SUFU: variants seen among roughly 807,000 people sequenced by gnomAD.
SUFU encodes the protein suppressor of fused homolog.
In SUFU, 7 loss-of-function variants were observed where a neutral mutation model predicts 58.9. That is an observed-to-expected ratio of 0.12 (90% CI 0.07 to 0.22). SUFU has a LOEUF of 0.22. Among genes scored for constraint, SUFU ranks in the 10% least tolerant of loss-of-function variants. The pLI, the probability that SUFU is intolerant of heterozygous loss-of-function variation, is 1.00. For missense variants in SUFU, 451 were observed against 641.3 expected (o/e 0.70, Z 3.20); for synonymous variants, 232 against 254.8 (o/e 0.91, Z 0.85).
rs183579372 is a variant in SUFU, at chr10:102,538,527, G to A, written c.318-11443G>A. The stretch of plus-strand genomic sequence containing the variant: ...CCATATGGAAACTACAATTATCTTC[G>A]TTTTTGAAAAAAGACTTTTTTAGAG... On this transcript the variant is annotated intron_variant, in intron 2 of 11. Transcript: ENST00000369902. Among the ~76,000 whole-genome samples the A allele has an allele frequency of 1.3e-3, 205 of 152,012 alleles. 2 individuals carry two copies. The highest frequency in any genetic ancestry group is 0.01 in the Admixed American group (158 of 15,262).
chr10:102,632,979 C>G lies in SUFU; in HGVS notation c.*2824C>G, dbSNP rs937066891. 3 of 233,272 alleles carry G rather than the reference C, an allele frequency of 1.3e-5. No individual in the cohort carries two copies. The highest frequency in any genetic ancestry group is 6.6e-5 in the African/African-American group (3 of 45,350). 14.5% of individuals were successfully genotyped at this position (233,272 alleles called of 1,614,324 possible). ...ATCTTTCTCTTCCAAGGGCAGTGCT[C>G]CAAGGCAGGGACTGGAGAAGCCAAG... On this transcript the variant is annotated 3_prime_UTR_variant, in exon 12 of 12. Transcript: ENST00000369902.
chr10:102,569,074 T>A (rs1357784611), intron 3 of SUFU, among the ~76,000 whole-genome samples: 1 of 150,842 alleles, frequency 6.6e-6, no homozygotes, highest in Non-Finnish European at 1.5e-5. Flanking sequence ...TTTCCAGTTT[T>A]CCCTATTTTA....
intron 8 of SUFU, among the ~76,000 whole-genome samples, chr10:102,612,096 A>G (rs2063630729): frequency 6.6e-6 from 1 of 152,080 alleles, no homozygotes. Flanking sequence ...TTAATACCTC[A>G]CCTAGCCCAC....
rs2063719790 is a variant in SUFU at position 102,619,303 on chromosome 10, C to T, written c.1296+1875C>T. On this transcript the variant is annotated intron_variant, in intron 10 of 11. Transcript: ENST00000369902. This position sits in a 1 kb window ranked among gnomAD's most constrained non-coding sequence, Gnocchi z 4.2. Reference sequence around the variant, plus strand: ...ACTCCCAGTGCCACAACCCCCTCACCTCCCTGGCAGCCCCTCAGCGAGCCT... The same window carrying T: ...ACTCCCAGTGCCACAACCCCCTCACTTCCCTGGCAGCCCCTCAGCGAGCCT... The T allele has an allele frequency of 1.4e-6, 2 of 1,441,886 alleles. No individual in the cohort carries two copies. Among genetic ancestry groups the T allele is most frequent in the East Asian group, 5.0e-5 (2 of 39,928 alleles). The allele number at this position is 1,441,886 out of a possible 1,614,324, so 89.3% of individuals were successfully genotyped here.
chr10:102,524,354 C>G (rs2062586149), intron 2 of SUFU, among the ~76,000 whole-genome samples: 1 of 125,280 alleles, frequency 8.0e-6, no homozygotes, highest in Admixed American at 9.9e-5. Flanking sequence ...GAGATGAAGT[C>G]TAGCTCTGTT....
At chr10:102,624,674 G>A (rs1425038264) in intron 10 of SUFU, among the ~76,000 whole-genome samples, 7 of 152,140 alleles carry the variant, frequency 4.6e-5, no homozygotes, top group African/African-American at 1.2e-4. Flanking sequence ...AGATGGTGCC[G>A]CGCATGGTCG....
chr10:102,577,094 T>TC lies in SUFU; in HGVS notation c.455-15488_455-15487insC. On this transcript the variant is annotated intron_variant, in intron 3 of 11. Transcript: ENST00000369902. ...CTGGATTTTTTCTTTTCTTTTTTTTTTTTTTTTGAGATGGAGTCTCACCCT... is the reference window on the plus strand; with the variant it reads ...CTGGATTTTTTCTTTTCTTTTTTTTTCTTTTTTTGAGATGGAGTCTCACCCT... 4.8e-5 allele frequency among the ~76,000 whole-genome samples: 7 copies of TC among 147,104 alleles called. 1 individual carries two copies. Among genetic ancestry groups the TC allele is most frequent in the Admixed American group, 4.7e-4 (7 of 14,800 alleles).
intron 3 of SUFU, among the ~76,000 whole-genome samples, chr10:102,587,908 A>G (rs982553760): frequency 6.6e-6 from 1 of 152,206 alleles, no homozygotes; most frequent in Non-Finnish European, 1.5e-5. Context: ...GATTTACTCC[A>G]ATGTTTGCTT....
At chr10:102,569,219 C>G (rs540566406) in intron 3 of SUFU, among the ~76,000 whole-genome samples, 41 of 152,092 alleles carry the variant, frequency 2.7e-4, no homozygotes, top group African/African-American at 9.9e-4. Context: ...ATGCCCAGCT[C>G]TCCTTTTGAA....
At chr10:102,576,998 G>A (rs535278048) in intron 3 of SUFU, among the ~76,000 whole-genome samples, 1 of 152,028 alleles carries the variant, frequency 6.6e-6, no homozygotes, top group African/African-American at 2.4e-5. Flanking sequence ...ACTGTACCCA[G>A]TCTAAATGGG....
intron 3 of SUFU, among the ~76,000 whole-genome samples, chr10:102,566,444 A>G (rs928592423): frequency 5.9e-5 from 9 of 152,012 alleles, no homozygotes; most frequent in African/African-American, 2.2e-4. Context: ...AGCGGGGCCA[A>G]CATGGTGAAA....
At chr10:102,540,717 A>AATAT (rs35189970) in intron 2 of SUFU, among the ~76,000 whole-genome samples, 4 of 149,442 alleles carry the variant, frequency 2.7e-5, no homozygotes, top group East Asian at 3.9e-4. Flanking sequence ...CTGCCTTTAA[A>AATAT]ATATATATAT....
intron 1 of SUFU, among the ~76,000 whole-genome samples, chr10:102,508,332 T>C (rs1378166173): frequency 6.6e-6 from 1 of 152,190 alleles, no homozygotes; most frequent in Non-Finnish European, 1.5e-5. Flanking sequence ...TTGTATTAAA[T>C]CCTCAGAGTG....
At chr10:102,560,837 T>C (rs963715434) in intron 3 of SUFU, among the ~76,000 whole-genome samples, 1 of 152,160 alleles carries the variant, frequency 6.6e-6, no homozygotes, top group African/African-American at 2.4e-5. Flanking sequence ...TACCGAAGTA[T>C]TTCTTTTTTT....
chr10:102,511,755 G>C (rs535779957), intron 2 of SUFU, among the ~76,000 whole-genome samples: 1 of 152,204 alleles, frequency 6.6e-6, no homozygotes, highest in African/African-American at 2.4e-5. Flanking sequence ...CTGTCACCCA[G>C]GCAGGAGTGT....
chr10:102,592,805 T>C, intron 4 of SUFU, 81 bp downstream of exon 4: 1 of 1,530,742 alleles, frequency 6.5e-7, no homozygotes. Context: ...GGAGGGGGAG[T>C]GAAGGGAGTG....
chr10:102,539,500 T>G (rs2062776113), intron 2 of SUFU, among the ~76,000 whole-genome samples: 1 of 152,230 alleles, frequency 6.6e-6, no homozygotes, highest in African/African-American at 2.4e-5. Context: ...CCATTAATAA[T>G]TAATAAGTAA....
At position 102,597,404 on chromosome 10, in the gene SUFU, T is replaced by C. The variant is rs2063474722; in HGVS notation, c.910+111T>C. 3.6e-6 allele frequency: 5 copies of C among 1,370,582 alleles called. No individual in the cohort carries two copies. The South Asian group carries it at 7.2e-5, about 20-fold the overall frequency. The allele number at this position is 1,370,582 out of a possible 1,614,324, so 84.9% of individuals were successfully genotyped here. A position where few individuals can be genotyped will look rare whatever the true frequency, so the allele number is the denominator to read the frequency against. Reference sequence around the variant, plus strand: ...TAACAAAAACAACCCATTCAATAGTTTATTTCCTGGCATGATTTAAACAGC... The same window carrying C: ...TAACAAAAACAACCCATTCAATAGTCTATTTCCTGGCATGATTTAAACAGC... On this transcript the variant is annotated intron_variant, in intron 7 of 11. Transcript: ENST00000369902.
intron 3 of SUFU, among the ~76,000 whole-genome samples, chr10:102,557,833 C>T (rs1006608411): frequency 3.9e-5 from 6 of 151,990 alleles, no homozygotes; most frequent in African/African-American, 1.4e-4. Flanking sequence ...GTTTCAGTTT[C>T]TCTCAGTTTG....
Sources: allele counts gnomAD v4.1 joint callset (sites outside exome capture counted in the v4.1 genomes callset), GRCh38; gene constraint gnomAD v4.1.1; non-coding constraint Gnocchi (gnomAD v3.1); transcripts MANE v1.5; gene names NCBI Gene and HGNC (gene_info 2026-07-23, HGNC 2026-07-21).